LCTL: variants seen among roughly 807,000 people sequenced by gnomAD.
The protein encoded by LCTL is lactase like, also known as lactase-like protein.
LCTL carries 76 observed loss-of-function variants against 75.8 expected under a neutral mutation model. The ratio of observed to expected loss-of-function variants is 1.00; its 90% confidence interval spans 0.83 to 1.21. LCTL has a LOEUF of 1.21. LCTL is among the 50% of genes most tolerant of loss of function. The pLI, the probability that LCTL is intolerant of heterozygous loss-of-function variation, is 0.00. For missense variants in LCTL, 670 were observed against 712.4 expected, an observed-to-expected ratio of 0.94 and a Z score of 0.68; for synonymous variants, 271 against 268.8, an observed-to-expected ratio of 1.01 and a Z score of -0.08.
At chr15:66,553,723 C>G (rs1277266466) in intron 8 of LCTL, among the ~76,000 whole-genome samples, 3 of 148,936 alleles carry the variant, frequency 2.0e-5, no homozygotes. Flanking sequence ...CCACTGCACT[C>G]CAGCCTGGGT....
At chr15:66,563,819 A>T (rs965845385) in intron 3 of LCTL, 92 bp downstream of exon 4, 31 of 1,047,312 alleles carry the variant, frequency 3.0e-5, no homozygotes, top group Non-Finnish European at 4.3e-5. Flanking sequence ...TCATGGGCTG[A>T]TCTCCCTCCC....
intron 8 of LCTL, among the ~76,000 whole-genome samples, chr15:66,554,297 A>G (rs944856187): frequency 6.6e-6 from 1 of 150,804 alleles, no homozygotes; most frequent in Non-Finnish European, 1.5e-5. Flanking sequence ...TCAAAAAAAA[A>G]AAAAAAAAAA....
chr15:66,558,236 G>T (rs73474178), intron 6 of LCTL, among the ~76,000 whole-genome samples, 200 bp from the exon 8 acceptor site: 2,576 of 152,266 alleles, frequency 0.017, 63 homozygotes, highest in African/African-American at 0.058. Context: ...CTTGATGTAA[G>T]TCTGGCTCAA....
intron 10 of LCTL, 65 bp downstream of exon 11, chr15:66,551,978 T>A: frequency 3.2e-6 from 5 of 1,569,806 alleles, no homozygotes; most frequent in East Asian, 2.2e-5. Flanking sequence ...CAGTTGATTG[T>A]GTGTTAATCA....
exon 13 of LCTL, chr15:66,548,416 G>T: frequency 1.4e-6 from 1 of 706,198 alleles, no homozygotes; most frequent in Non-Finnish European, 2.4e-6. Context: ...GCAATGTATG[G>T]AAACCCTCAA....
exon 5 of LCTL, chr15:66,561,188 C>T (rs762015361): frequency 9.9e-6 from 16 of 1,614,078 alleles, no homozygotes; most frequent in Middle Eastern, 1.6e-4. Flanking sequence ...CCTGCTTACC[C>T]GAGGATCACT....
Position 66,558,037 on chromosome 15 carries a change from C to T in LCTL, c.706-1G>A. 6.2e-7 allele frequency: 1 copy of T among 1,601,486 alleles called. No individual in the cohort carries two copies. Among genetic ancestry groups the T allele is most frequent in the Non-Finnish European group, 8.5e-7 (1 of 1,171,334 alleles). On this transcript the variant is annotated splice_acceptor_variant, in intron 6 of 12. Transcript: ENST00000341509. LOFTEE classifies it high-confidence loss of function. ...AAGAATGCCAGGCTTTGGCGTGGGC[C>T]TGAAAGGGGAGCAGAAATTCATCGT...
intron 11 of LCTL, among the ~76,000 whole-genome samples, chr15:66,551,261 C>T (rs541300755): frequency 6.2e-5 from 9 of 145,132 alleles, no homozygotes; most frequent in South Asian, 4.6e-4. Context: ...GCAGGAAAAT[C>T]GCTGGAACCC....
At chr15:66,563,877 T>A (rs762310178) in intron 3 of LCTL, 34 bp downstream of exon 4, 1 of 1,543,688 alleles carries the variant, frequency 6.5e-7, no homozygotes, top group Non-Finnish European at 9.0e-7. Context: ...GGAAGGGGCC[T>A]CACTTGGGTT....
intron 12 of LCTL, 50 bp downstream of exon 13, chr15:66,549,991 A>G: frequency 7.9e-7 from 1 of 1,268,936 alleles, no homozygotes; most frequent in Non-Finnish European, 1.1e-6. Context: ...TGATATGTAT[A>G]ATTATTTAGT....
intron 4 of LCTL, among the ~76,000 whole-genome samples, chr15:66,562,779 T>C (rs1436277270): frequency 2.0e-5 from 3 of 152,134 alleles, no homozygotes; most frequent in Non-Finnish European, 4.4e-5. Context: ...AGACTGTGTT[T>C]CACCAGGTTG....
intron 7 of LCTL, 39 bp downstream of exon 8, chr15:66,557,943 C>CA (rs765307951): frequency 6.7e-5 from 107 of 1,608,180 alleles, no homozygotes; most frequent in Non-Finnish European, 8.4e-5. Context: ...GCTCCGGGCA[C>CA]TTGGCTGTCC....
In LCTL at chr15:66,555,528, G is replaced by A. The variant is rs371066188; in HGVS notation, c.922+2194C>T. Among the ~76,000 whole-genome samples, 63 of 151,914 alleles carry A rather than the reference G, an allele frequency of 4.1e-4. 3 individuals carry two copies. The South Asian group carries it at 0.012, about 28-fold the overall frequency. On this transcript the variant is annotated intron_variant, in intron 8 of 12. Transcript: ENST00000341509. ...TGCACTCCAGTCTGGGCAACAGAGCGAGACTCTGTCTCAAAAATAAAAAAA... is the reference window on the plus strand; with the variant it reads ...TGCACTCCAGTCTGGGCAACAGAGCAAGACTCTGTCTCAAAAATAAAAAAA...
chr15:66,551,298 G>T (rs1027460096), intron 11 of LCTL, among the ~76,000 whole-genome samples: 11 of 124,304 alleles, frequency 8.8e-5, no homozygotes, highest in African/African-American at 3.4e-4. Context: ...AGTGAGCCGA[G>T]ATCGCACTAC....
chr15:66,559,144 A>G (rs1260278310), intron 6 of LCTL, among the ~76,000 whole-genome samples: 1 of 147,594 alleles, frequency 6.8e-6, no homozygotes, highest in Non-Finnish European at 1.5e-5. Context: ...CAAGCCTCTC[A>G]AATAGCTGGG....
At chr15:66,556,387 C>G (rs560792805) in intron 8 of LCTL, among the ~76,000 whole-genome samples, 2 of 152,250 alleles carry the variant, frequency 1.3e-5, no homozygotes, top group South Asian at 4.1e-4. Flanking sequence ...CCACTGCAAC[C>G]TCCACCTCCC....
intron 8 of LCTL, among the ~76,000 whole-genome samples, chr15:66,554,966 A>G (rs966490855): frequency 2.6e-5 from 4 of 152,238 alleles, no homozygotes; most frequent in East Asian, 1.9e-4. Context: ...AAAATTGGAA[A>G]CATGTCCAGG....
chr15:66,550,931 G>A (rs372001221), intron 11 of LCTL, among the ~76,000 whole-genome samples: 3 of 152,306 alleles, frequency 2.0e-5, no homozygotes, highest in East Asian at 1.9e-4. Flanking sequence ...TTTGAAGCCA[G>A]TGTGTGTGTA....
intron 8 of LCTL, among the ~76,000 whole-genome samples, chr15:66,553,657 A>G (rs1364243035): frequency 6.6e-6 from 1 of 151,130 alleles, no homozygotes; most frequent in African/African-American, 2.4e-5. Flanking sequence ...TGGGAGGCTG[A>G]GGCAGGAGAA....
Sources: allele counts gnomAD v4.1 joint callset (sites outside exome capture counted in the v4.1 genomes callset), GRCh38; gene constraint gnomAD v4.1.1; transcripts MANE v1.5; gene names NCBI Gene and HGNC (gene_info 2026-07-23, HGNC 2026-07-21).